The following UBE3B variants were observed in gnomAD, a reference collection of about 807,000 sequenced individuals.
The protein encoded by UBE3B is ubiquitin-protein ligase E3B.
Under a neutral mutation model 132.3 loss-of-function variants are expected in UBE3B, and 80 were observed. That is an observed-to-expected ratio of 0.60 (90% CI 0.50 to 0.73). The LOEUF (loss-of-function observed/expected upper bound fraction) is 0.73. Among genes scored for constraint, UBE3B ranks in the 30% least tolerant of loss-of-function variants. The pLI is 0.00. For synonymous variants in UBE3B, 487 were observed against 520.4 expected, an observed-to-expected ratio of 0.94 and a Z score of 0.87; for missense variants, 1,196 against 1,362.5, an observed-to-expected ratio of 0.88 and a Z score of 1.92.
chr12:109,539,227 C>T (rs1398385152), downstream of UBE3B, among the ~76,000 whole-genome samples: 3 of 152,204 alleles, frequency 2.0e-5, no homozygotes, highest in Non-Finnish European at 4.4e-5. Context: ...CAGAATGAGA[C>T]TCCGTCTCAA....
At chr12:109,530,468 G>A in intron 25 of UBE3B, 79 bp from the exon 26 acceptor site, 2 of 1,231,422 alleles carry the variant, frequency 1.6e-6, no homozygotes, top group Non-Finnish European at 2.4e-6. Context: ...GACCGTGCCA[G>A]CTGTCTGCAT....
intron 21 of UBE3B, among the ~76,000 whole-genome samples, chr12:109,523,644 G>A (rs546326253): frequency 2.0e-5 from 3 of 152,280 alleles, no homozygotes; most frequent in East Asian, 1.9e-4. Flanking sequence ...CTGGTACTGT[G>A]CACGTTCCAT....
At chr12:109,510,114 C>T (rs781376412) in intron 16 of UBE3B, among the ~76,000 whole-genome samples, 1 of 152,174 alleles carries the variant, frequency 6.6e-6, no homozygotes, top group Admixed American at 6.5e-5. Context: ...AAAGGCCCTT[C>T]GGATGACACA....
chr12:109,515,626 C>G (rs781174586), intron 18 of UBE3B, among the ~76,000 whole-genome samples: 12 of 152,204 alleles, frequency 7.9e-5, no homozygotes, highest in Non-Finnish European at 1.5e-4. Flanking sequence ...GCCTCGGCCT[C>G]TCAAAGTGCT....
chr12:109,533,462 G>A lies in UBE3B; in HGVS notation c.2923-4G>A, dbSNP rs1254448608. ...GTCCCCACTGACCCTGCTTTGTGTTGCAGTTCGTGACCAGCTGCTCCAGAC... is the reference window on the plus strand; with the variant it reads ...GTCCCCACTGACCCTGCTTTGTGTTACAGTTCGTGACCAGCTGCTCCAGAC... On this transcript the variant is annotated splice_region_variant and splice_polypyrimidine_tract_variant and intron_variant, in intron 26 of 27. Coordinates refer to ENST00000342494, the MANE Select transcript of UBE3B (RefSeq NM_130466.4). 6.2e-7 allele frequency: 1 copy of A among 1,614,004 alleles called. No homozygotes were observed. Among genetic ancestry groups the A allele is most frequent in the Admixed American group, 1.7e-5 (1 of 60,018 alleles).
At chr12:109,498,148 G>C in intron 10 of UBE3B, 85 bp from the exon 11 acceptor site, 3 of 1,562,544 alleles carry the variant, frequency 1.9e-6, no homozygotes, top group Non-Finnish European at 2.6e-6. Context: ...CCATAACCAC[G>C]GGTGATCTGC....
rs748971736 is a variant in UBE3B, at chr12:109,488,644, A to G, written c.520A>G (p.Thr174Ala). The G allele has an allele frequency of 1.8e-5, 29 of 1,614,006 alleles. No homozygotes were observed. In the East Asian group the frequency reaches 5.8e-4, roughly 32 times the overall value. The change falls in exon 7 of 28, where the codon ACG (threonine) becomes GCG (alanine). Residue 174 changes from threonine (T) to alanine (A), a missense_variant. Physicochemically the swap from Thr to Ala is moderately conservative, Grantham distance 58. Coordinates refer to ENST00000342494, the MANE Select transcript of UBE3B (RefSeq NM_130466.4). Reference sequence around the variant, plus strand: ...GCTTGTCACCTTCACAGACACTTCAACGTGGAAAATTCTTCGGGGAAAAGG... The same window carrying G: ...GCTTGTCACCTTCACAGACACTTCAGCGTGGAAAATTCTTCGGGGAAAAGG... ...TMLVTFTDTS[T>A]WKILRGKGES...
At chr12:109,506,879 C>A (rs990618436) in intron 14 of UBE3B, among the ~76,000 whole-genome samples, 11 of 152,224 alleles carry the variant, frequency 7.2e-5, no homozygotes, top group African/African-American at 2.7e-4. Flanking sequence ...AGCCTAGCTT[C>A]AATCAATCAC....
rs551890082 is a variant in UBE3B at position 109,478,440 on chromosome 12, AT to A, written c.-128+332del. ...AGCTTTCAATAAATAGTAGCTGTTAATATGAATAGTCTCTTTAAGTCGTGTT... is the reference window on the plus strand; with the variant it reads ...AGCTTTCAATAAATAGTAGCTGTTAAATGAATAGTCTCTTTAAGTCGTGTT... On this transcript the variant is annotated intron_variant, in intron 1 of 27. Transcript: ENST00000342494. Among the ~76,000 whole-genome samples, 160 of 152,332 alleles carry A rather than the reference AT, an allele frequency of 1.1e-3. 1 individual carries two copies. The highest frequency in any genetic ancestry group is 9.1e-4 in the Admixed American group (14 of 15,310).
chr12:109,533,823 C>A, intron 27 of UBE3B: 1 of 967,978 alleles, frequency 1.0e-6, no homozygotes, highest in Non-Finnish European at 1.5e-6. Context: ...GGGGTGGGTA[C>A]GTGCTGTTTT....
At chr12:109,533,635 C>T in intron 27 of UBE3B, 77 bp downstream of exon 27, 3 of 1,336,586 alleles carry the variant, frequency 2.2e-6, no homozygotes, top group East Asian at 2.3e-5. Flanking sequence ...TGTGCAAGGC[C>T]CTTATCTAGT....
At chr12:109,525,204 C>T (rs1486614633) in intron 23 of UBE3B, among the ~76,000 whole-genome samples, 1 of 152,202 alleles carries the variant, frequency 6.6e-6, no homozygotes, top group East Asian at 1.9e-4. Context: ...TCTGTAAGCA[C>T]CGCTGGGAGC....
chr12:109,543,965 C>T, the UBE3B span, among the ~76,000 whole-genome samples: 41 of 152,166 alleles, frequency 2.7e-4, no homozygotes, highest in Admixed American at 2.1e-3. Context: ...ATGGGCCACC[C>T]GAGATGTTAG....
chr12:109,491,028 T>G lies in UBE3B; in HGVS notation c.631-17T>G. On this transcript the variant is annotated splice_polypyrimidine_tract_variant and intron_variant, in intron 8 of 27. Coordinates refer to ENST00000342494, the MANE Select transcript of UBE3B (RefSeq NM_130466.4). ...AAGTTGATATCATCCTCTGACCAAT[T>G]AAAACATTCTTTTCAGATATTGTTA... 1.2e-6 allele frequency: 2 copies of G among 1,612,244 alleles called. No individual in the cohort carries two copies. Among genetic ancestry groups the G allele is most frequent in the Non-Finnish European group, 1.7e-6 (2 of 1,178,738 alleles).
chr12:109,526,700 G>A (rs1232444273), intron 24 of UBE3B, among the ~76,000 whole-genome samples: 3 of 151,936 alleles, frequency 2.0e-5, no homozygotes, highest in Non-Finnish European at 2.9e-5. Flanking sequence ...GTGAAACCCC[G>A]TCTCTACTGA....
At chr12:109,490,172 G>A in intron 8 of UBE3B, 168 bp downstream of exon 8, 1 of 877,356 alleles carries the variant, frequency 1.1e-6, no homozygotes, top group East Asian at 2.6e-5. Flanking sequence ...TGTCTCACTT[G>A]TGGGTCAGGT....
chr12:109,490,574 G>T, intron 8 of UBE3B: 1 of 1,535,956 alleles, frequency 6.5e-7, no homozygotes, highest in South Asian at 1.2e-5. Flanking sequence ...AAGCTGGTAT[G>T]ACTGGCAGTT....
intron 9 of UBE3B, among the ~76,000 whole-genome samples, chr12:109,493,702 C>G (rs1351705216): frequency 1.3e-5 from 2 of 152,222 alleles, no homozygotes; most frequent in Non-Finnish European, 2.9e-5. Flanking sequence ...ATAAAATCGT[C>G]AGTGGTGTGC....
the UBE3B span, among the ~76,000 whole-genome samples, chr12:109,546,614 G>A: frequency 1.3e-5 from 2 of 152,306 alleles, no homozygotes; most frequent in South Asian, 4.1e-4. Context: ...AAGTAGACTG[G>A]GCAAGGCACT....
Sources: allele counts gnomAD v4.1 joint callset (sites outside exome capture counted in the v4.1 genomes callset), GRCh38; gene constraint gnomAD v4.1.1; transcripts MANE v1.5; gene names NCBI Gene and HGNC (gene_info 2026-07-23, HGNC 2026-07-21).